The following TMEM178B variants were observed in gnomAD, a reference collection of about 807,000 sequenced individuals.
TMEM178B encodes the protein transmembrane protein 178B.
In TMEM178B, 5 loss-of-function variants were observed where a neutral mutation model predicts 31.0. That is an observed-to-expected ratio of 0.16 (90% CI 0.08 to 0.34). The LOEUF is 0.34. Ranked by LOEUF, TMEM178B falls within the 10% of genes least tolerant of loss-of-function variation. TMEM178B has a pLI of 1.00. For missense variants in TMEM178B, 275 were observed against 400.3 expected (o/e 0.69, Z 2.67); for synonymous variants, 164 against 164.0 (o/e 1.00, Z 0.00).
At chr7:141,367,907 G>A (rs1002530508) in intron 2 of TMEM178B, among the ~76,000 whole-genome samples, 4 of 152,110 alleles carry the variant, frequency 2.6e-5, no homozygotes, top group Non-Finnish European at 2.9e-5. Context: ...ACCTTGGAGC[G>A]TCTGAAGCTC....
At chr7:141,093,490 C>T (rs986414848) in intron 1 of TMEM178B, among the ~76,000 whole-genome samples, 8 of 152,002 alleles carry the variant, frequency 5.3e-5, no homozygotes, top group African/African-American at 1.2e-4. Flanking sequence ...TATATAGGAC[C>T]GAGTTTGGGG....
At chr7:141,373,480 C>T (rs541622016) in intron 2 of TMEM178B, among the ~76,000 whole-genome samples, 20 of 152,178 alleles carry the variant, frequency 1.3e-4, no homozygotes, top group Non-Finnish European at 1.8e-4. Context: ...CTCTTGGGAA[C>T]GATGCCTGGA....
At chr7:141,436,639 C>T (rs1801547395) in intron 2 of TMEM178B, among the ~76,000 whole-genome samples, 1 of 150,894 alleles carries the variant, frequency 6.6e-6, no homozygotes, top group East Asian at 2.0e-4. Context: ...CTGGTGGGGG[C>T]TGGGGTGCGG....
At chr7:141,280,523 T>C (rs2116397351) in intron 2 of TMEM178B, among the ~76,000 whole-genome samples, 1 of 152,288 alleles carries the variant, frequency 6.6e-6, no homozygotes, top group Non-Finnish European at 1.5e-5. Flanking sequence ...GAGACGTGCC[T>C]TTCACCTTCC....
At chr7:141,364,542 C>A (rs1799971092) in intron 2 of TMEM178B, among the ~76,000 whole-genome samples, 1 of 151,792 alleles carries the variant, frequency 6.6e-6, no homozygotes, top group African/African-American at 2.4e-5. Context: ...TGCCTGTAGT[C>A]CCAGCTACTC....
In TMEM178B at chr7:141,197,838, G is replaced by A. The variant is rs149763944; in HGVS notation, c.383-14753G>A. ...AGTAGAGATGGGGTTTCACCATGAT[G>A]GCCAAGCTGGTCTCGAACTCCTGAC... is the stretch of plus-strand genomic sequence containing the variant. On this transcript the variant is annotated intron_variant, in intron 1 of 3. Transcript: ENST00000565468. 2.0e-4 allele frequency among the ~76,000 whole-genome samples: 30 copies of A among 152,206 alleles called. No homozygotes were observed. In the Middle Eastern group the frequency reaches 0.014, roughly 69 times the overall value.
At chr7:141,491,646 A>G in the TMEM178B span, among the ~76,000 whole-genome samples, 1 of 152,158 alleles carries the variant, frequency 6.6e-6, no homozygotes, top group East Asian at 1.9e-4. Flanking sequence ...CTCAATCTCT[A>G]TACCAAGTCT....
chr7:141,202,747 G>A (rs1433361278), intron 1 of TMEM178B, among the ~76,000 whole-genome samples: 1 of 152,196 alleles, frequency 6.6e-6, no homozygotes, highest in Non-Finnish European at 1.5e-5. Context: ...GGGAGGTGGG[G>A]TGTGGAGATT....
chr7:141,266,484 T>C (rs1586859445), intron 2 of TMEM178B, among the ~76,000 whole-genome samples: 1 of 152,336 alleles, frequency 6.6e-6, no homozygotes, highest in Non-Finnish European at 1.5e-5. Context: ...GAAAACCCTG[T>C]GTCAATGGAG....
At chr7:141,210,749 A>G (rs528715766) in intron 1 of TMEM178B, among the ~76,000 whole-genome samples, 1 of 152,054 alleles carries the variant, frequency 6.6e-6, no homozygotes, top group Non-Finnish European at 1.5e-5. Flanking sequence ...GTTGGAAACC[A>G]GTGGTCTACA....
chr7:141,398,461 G>A (rs1012756550), intron 2 of TMEM178B, among the ~76,000 whole-genome samples: 1 of 152,192 alleles, frequency 6.6e-6, no homozygotes, highest in Admixed American at 6.5e-5. Flanking sequence ...CTGACTCAGG[G>A]GAAGCTGCAG....
At chr7:141,437,350 G>A (rs1239210160) in intron 2 of TMEM178B, among the ~76,000 whole-genome samples, 1 of 152,242 alleles carries the variant, frequency 6.6e-6, no homozygotes, top group African/African-American at 2.4e-5. Context: ...AGGCATAGAA[G>A]AAATGGCCAC....
intron 1 of TMEM178B, among the ~76,000 whole-genome samples, chr7:141,195,545 A>G (rs199693325): frequency 1.3e-4 from 20 of 152,292 alleles, no homozygotes; most frequent in South Asian, 6.2e-4. Flanking sequence ...TTTTGGGCAA[A>G]GCCATTCAAC....
intron 1 of TMEM178B, among the ~76,000 whole-genome samples, chr7:141,156,527 A>C (rs1796072779): frequency 6.6e-6 from 1 of 152,224 alleles, no homozygotes; most frequent in Non-Finnish European, 1.5e-5. Context: ...AAAGATGGAC[A>C]CCTTGAAAGA....
intron 1 of TMEM178B, among the ~76,000 whole-genome samples, chr7:141,110,612 C>A (rs1243325305): frequency 1.3e-5 from 2 of 152,206 alleles, no homozygotes; most frequent in African/African-American, 4.8e-5. Flanking sequence ...CAGGGTAATG[C>A]CTGGCACATA....
At position 141,210,172 on chromosome 7, in the gene TMEM178B, T is replaced by C. The variant is rs921390830; in HGVS notation, c.383-2419T>C. On this transcript the variant is annotated intron_variant, in intron 1 of 3. Coordinates refer to ENST00000565468, the MANE Select transcript of TMEM178B (RefSeq NM_001195278.2). ...ATGCCTCCACTTTCTCATTAAAAAA[T>C]AGGGATGAGGGGCTGGATGCGGTGG... Among the ~76,000 whole-genome samples the C allele has an allele frequency of 1.7e-4, 26 of 151,988 alleles. 1 individual carries two copies. Among genetic ancestry groups the C allele is most frequent in the Non-Finnish European group, 8.8e-5 (6 of 67,990 alleles).
intron 2 of TMEM178B, among the ~76,000 whole-genome samples, chr7:141,272,362 C>G (rs1798198187): frequency 6.6e-6 from 1 of 152,178 alleles, no homozygotes; most frequent in Non-Finnish European, 1.5e-5. Flanking sequence ...ATTTTACTAG[C>G]ATAATTCACT....
chr7:141,168,826 ATTTTGTTTCT>A (rs535472060), intron 1 of TMEM178B, among the ~76,000 whole-genome samples: 29 of 152,054 alleles, frequency 1.9e-4, no homozygotes, highest in Non-Finnish European at 4.0e-4. Context: ...TTTTTGTTTC[ATTTTGTTTCT>A]TTTTAATTTT....
intron 2 of TMEM178B, among the ~76,000 whole-genome samples, chr7:141,393,094 A>G (rs1307073522): frequency 6.6e-6 from 1 of 152,136 alleles, no homozygotes; most frequent in African/African-American, 2.4e-5. Flanking sequence ...AGTATGTATG[A>G]TAACTCATTT....
Sources: allele counts gnomAD v4.1 joint callset (sites outside exome capture counted in the v4.1 genomes callset), GRCh38; gene constraint gnomAD v4.1.1; transcripts MANE v1.5; gene names NCBI Gene and HGNC (gene_info 2026-07-23, HGNC 2026-07-21).